Variants in NCOA4 observed in about 807,000 individuals in gnomAD.
NCOA4 encodes the protein 70 kDa AR-activator.
In NCOA4, 31 loss-of-function variants were observed where a neutral mutation model predicts 69.5. That is an observed-to-expected ratio of 0.45 (90% confidence interval 0.34 to 0.60). NCOA4 has a LOEUF of 0.60. Ranked by LOEUF, NCOA4 falls within the 20% of genes least tolerant of loss-of-function variation. The probability of loss-of-function intolerance (pLI) is 0.02; values close to 1 mark genes in which losing one functional copy is unlikely to be tolerated. For synonymous variants in NCOA4, 228 were observed against 252.4 expected, an observed-to-expected ratio of 0.90 and a Z score of 0.92; for missense variants, 600 against 719.2, an observed-to-expected ratio of 0.83 and a Z score of 1.90.
chr10:46,022,310 A>G (rs1267198106), intron 1 of NCOA4: 1 of 405,432 alleles, frequency 2.5e-6, no homozygotes, highest in South Asian at 2.0e-5. Flanking sequence ...TACTAACTGA[A>G]CAATTTGGTT....
intron 1 of NCOA4, chr10:46,023,345 AC>A (rs1252988583): frequency 1.0e-6 from 1 of 985,486 alleles, no homozygotes; most frequent in Non-Finnish European, 1.2e-6. Context: ...AGGCCAGGTC[AC>A]CGACTCACCA....
intron 1 of NCOA4, among the ~76,000 whole-genome samples, chr10:46,022,788 C>T (rs1839962994): frequency 6.6e-6 from 1 of 152,104 alleles, no homozygotes; most frequent in Admixed American, 6.6e-5. Context: ...TTATACAACT[C>T]ATTAACTCAA....
intron 1 of NCOA4, chr10:46,023,323 G>A (rs1564928410): frequency 4.1e-6 from 4 of 985,560 alleles, no homozygotes; most frequent in Non-Finnish European, 4.8e-6. Context: ...TGGGCTGCCA[G>A]ACGTACCTCA....
At chr10:46,009,143 A>G (rs782661260) in intron 9 of NCOA4, 26 of 1,548,914 alleles carry the variant, frequency 1.7e-5, no homozygotes, top group Non-Finnish European at 1.7e-6. Flanking sequence ...AGGTATATAA[A>G]CTACTAGAAT....
rs781992504 is a variant in NCOA4, at chr10:46,010,856, G to C, written c.1065C>G (p.Pro355=). 1.4e-5 allele frequency: 23 copies of C among 1,613,784 alleles called. No individual in the cohort carries two copies. Among genetic ancestry groups the C allele is most frequent in the African/African-American group, 2.7e-5 (2 of 74,880 alleles). The part of the protein sequence containing the change: ...DSCTNCQGNQ[P]KGVEIENLGN... ...CCAGGTTTTCAATCTCCACACCTTT[G>C]GGCTGGTTTCCCTGACAGTTGGTAC... The change falls in exon 8 of 10, where the codon CCC becomes CCG. Residue 355 remains proline, a synonymous_variant. Coordinates refer to ENST00000581486, the MANE Select transcript of NCOA4 (RefSeq NM_001145263.2).
chr10:46,015,205 A>C lies in NCOA4; in HGVS notation c.203T>G (p.Val68Gly). Residue 68 changes from valine to glycine, a missense_variant, in exon 3 of 10, where the codon GTA (valine) becomes GGA (glycine). By Grantham distance (109) the Val-to-Gly change is moderately radical (BLOSUM62 -3). Transcript: ENST00000581486. Reference sequence around the variant, plus strand: ...AAGGTCCACCTGTTCATACAGCCATACCTCACGGCTTCTAAGACATTCCAG... The same window carrying C: ...AAGGTCCACCTGTTCATACAGCCATCCCTCACGGCTTCTAAGACATTCCAG... The part of the protein sequence containing the change: ...RHLECLRSRE[V>G]WLYEQVDLIY... 1.2e-6 allele frequency: 2 copies of C among 1,614,082 alleles called. No individual in the cohort carries two copies. Among genetic ancestry groups the C allele is most frequent in the Non-Finnish European group, 1.7e-6 (2 of 1,179,968 alleles).
chr10:46,013,498 G>C, intron 6 of NCOA4, 52 bp downstream of exon 6: 1 of 1,319,102 alleles, frequency 7.6e-7, no homozygotes, highest in Non-Finnish European at 1.1e-6. Context: ...AAACCCAAAG[G>C]AAGTATAAGC....
At chr10:46,027,366 A>C in intron 1 of NCOA4, 1 of 1,414,674 alleles carries the variant, frequency 7.1e-7, no homozygotes. Flanking sequence ...CAATCAAAGA[A>C]GATAAGCTAA....
chr10:46,017,770 G>T (rs1251034614), intron 1 of NCOA4, among the ~76,000 whole-genome samples: 1 of 152,140 alleles, frequency 6.6e-6, no homozygotes, highest in African/African-American at 2.4e-5. Flanking sequence ...CAAATGGGAA[G>T]AACAGCATAT....
chr10:46,008,614 T>C (rs1412436854), intron 9 of NCOA4, among the ~76,000 whole-genome samples: 1 of 152,236 alleles, frequency 6.6e-6, no homozygotes, highest in Non-Finnish European at 1.5e-5. Context: ...CTGGAGAAGA[T>C]GCTGTGTATT....
Position 46,006,265 on chromosome 10 carries a change from C to CT in NCOA4, c.*326dup, listed in dbSNP as rs1360893098. 1.9e-5 allele frequency: 7 copies of CT among 378,004 alleles called. No homozygotes were observed. The Admixed American group carries it at 2.8e-4, about 15-fold the overall frequency. 23.4% of individuals were successfully genotyped at this position (378,004 alleles called of 1,614,324 possible). A position where few individuals can be genotyped will look rare whatever the true frequency, so the allele number is the denominator to read the frequency against. On this transcript the variant is annotated 3_prime_UTR_variant, in exon 10 of 10. Coordinates refer to ENST00000581486, the MANE Select transcript of NCOA4 (RefSeq NM_001145263.2). Reference sequence around the variant, plus strand: ...CGATAAACAAGAGTGTTTTAATGTACTTTTAGTAACGACCCAATCTAAGGA... The same window carrying CT: ...CGATAAACAAGAGTGTTTTAATGTACTTTTTAGTAACGACCCAATCTAAGGA...
At chr10:46,008,565 A>C (rs1554920349) in intron 9 of NCOA4, among the ~76,000 whole-genome samples, 1 of 152,210 alleles carries the variant, frequency 6.6e-6, no homozygotes, top group Admixed American at 6.5e-5. Flanking sequence ...CTTCTTACGG[A>C]TGAGCAAAGA....
At chr10:46,015,567 A>G (rs1267416775) in intron 2 of NCOA4, among the ~76,000 whole-genome samples, 1 of 152,200 alleles carries the variant, frequency 6.6e-6, no homozygotes, top group African/African-American at 2.4e-5. Flanking sequence ...ATCCTTCTTC[A>G]ATACCCAGCC....
At chr10:46,009,074 CTCT>C in intron 9 of NCOA4, 1 of 1,202,620 alleles carries the variant, frequency 8.3e-7, no homozygotes, top group Non-Finnish European at 1.2e-6. Context: ...TTGTGTAGCT[CTCT>C]TTATTGGGAT....
intron 1 of NCOA4, among the ~76,000 whole-genome samples, chr10:46,024,992 G>A (rs1248386334): frequency 1.3e-5 from 2 of 152,220 alleles, no homozygotes; most frequent in Non-Finnish European, 2.9e-5. Context: ...ATATAGATAT[G>A]AGAGGGGATT....
rs551019280 is a variant in NCOA4 at position 46,016,532 on chromosome 10, T to C, written c.141+8A>G. On this transcript the variant is annotated splice_region_variant and intron_variant, in intron 2 of 9. Coordinates refer to ENST00000581486, the MANE Select transcript of NCOA4 (RefSeq NM_001145263.2). Reference sequence around the variant, plus strand: ...CCAGACAACAGAAGAGAAAAGCACATGTCACACCTCTCGCAAGTTATCTTT... The same window carrying C: ...CCAGACAACAGAAGAGAAAAGCACACGTCACACCTCTCGCAAGTTATCTTT... 1.3e-6 allele frequency: 2 copies of C among 1,493,018 alleles called. No homozygotes were observed. The highest frequency in any genetic ancestry group is 1.4e-5 in the South Asian group (1 of 70,874). The allele number at this position is 1,493,018 out of a possible 1,614,324, so 92.5% of individuals were successfully genotyped here. A position where few individuals can be genotyped will look rare whatever the true frequency, so the allele number is the denominator to read the frequency against.
In NCOA4 at chr10:46,010,554, G is replaced by A. The variant is rs782663843; in HGVS notation, c.1367C>T (p.Ser456Phe). 1 of 1,614,002 alleles carries A rather than the reference G, an allele frequency of 6.2e-7. No homozygotes were observed. Among genetic ancestry groups the A allele is most frequent in the Admixed American group, 1.7e-5 (1 of 59,994 alleles). ...PKPEPEKHKD[S>F]LNMWLCPRKE... ...TCTAGGACAGAGCCACATATTCAGG[G>A]AATCTTTATGCTTCTCAGGCTCAGG... The change falls in exon 8 of 10, where the codon TCC becomes TTC. Residue 456 changes from serine to phenylalanine, a missense_variant. Ser to Phe is a radical substitution (Grantham distance 155). Coordinates refer to ENST00000581486, the MANE Select transcript of NCOA4 (RefSeq NM_001145263.2).
At position 46,030,273 on chromosome 10, in the gene NCOA4, A is replaced by AGGCCC. The variant is rs1564931436; in HGVS notation, c.-15+252_-15+253insGGGCC. Among the ~76,000 whole-genome samples the AGGCCC allele has an allele frequency of 4.7e-3, 716 of 152,056 alleles. 5 individuals carry two copies. Among genetic ancestry groups the AGGCCC allele is most frequent in the East Asian group, 0.018 (95 of 5,142 alleles). On this transcript the variant is annotated intron_variant, in intron 1 of 9. Transcript: ENST00000581486. ...CGAGGAGGGTCGGGGAGGAAAAGAC[A>AGGCCC]AGCCCGGGCCCGGCGTGTGGCGGGA... is the stretch of plus-strand genomic sequence containing the variant.
At position 46,010,321 on chromosome 10, in the gene NCOA4, A is replaced by G. The variant is rs1240256555; in HGVS notation, c.1600T>C (p.Phe534Leu). 2 of 1,614,076 alleles carry G rather than the reference A, an allele frequency of 1.2e-6. No homozygotes were observed. Among genetic ancestry groups the G allele is most frequent in the Non-Finnish European group, 1.7e-6 (2 of 1,180,042 alleles). Residue 534 changes from phenylalanine to leucine, a missense_variant, in exon 8 of 10, where the codon TTT becomes CTT. Physicochemically the swap from Phe to Leu is conservative, Grantham distance 22. Transcript: ENST00000581486. ...KSPMNTSWCS[F>L]NTADWVLPGK... ...GGCAGGACCCAGTCAGCTGTGTTAAAGGAACACCAGGAAGTATTCATGGGG... is the reference window on the plus strand; with the variant it reads ...GGCAGGACCCAGTCAGCTGTGTTAAGGGAACACCAGGAAGTATTCATGGGG...
Sources: gnomAD v4.1 joint callset for allele counts (sites outside exome capture counted in the v4.1 genomes callset) on GRCh38, gnomAD v4.1.1 for gene constraint, MANE v1.5 for transcripts, NCBI Gene and HGNC (gene_info 2026-07-23, HGNC 2026-07-21) for gene names.